Variants in RALGPS2 observed in about 807,000 individuals in gnomAD.
RALGPS2 encodes ras-specific guanine nucleotide-releasing factor RalGPS2.
In RALGPS2, 43 loss-of-function variants were observed where a neutral mutation model predicts 86.8. The ratio of observed to expected loss-of-function variants is 0.50; its 90% CI spans 0.39 to 0.64. The LOEUF is 0.64. RALGPS2 is among the 30% of genes least tolerant of loss of function. The pLI is 0.00. For synonymous variants in RALGPS2, 243 were observed against 231.3 expected (o/e 1.05, Z -0.46); for missense variants, 536 against 694.6 (o/e 0.77, Z 2.57).
chr1:178,771,255 C>G (rs971742880), intron 1 of RALGPS2, among the ~76,000 whole-genome samples: 4 of 152,340 alleles, frequency 2.6e-5, no homozygotes, highest in Middle Eastern at 3.4e-3. Flanking sequence ...GCATTTACTA[C>G]CATCCAGTAC....
chr1:178,806,419 T>C (rs1654746477), intron 4 of RALGPS2, among the ~76,000 whole-genome samples: 1 of 152,148 alleles, frequency 6.6e-6, no homozygotes, highest in African/African-American at 2.4e-5. Flanking sequence ...TTTGTTGTTG[T>C]TTTGTTTTTG....
At chr1:178,826,921 G>A (rs58049063) in intron 7 of RALGPS2, among the ~76,000 whole-genome samples, 2 of 152,112 alleles carry the variant, frequency 1.3e-5, no homozygotes, top group Admixed American at 6.5e-5. Context: ...GGGAGCAATA[G>A]CCCATGTTCA....
intron 1 of RALGPS2, among the ~76,000 whole-genome samples, chr1:178,764,730 C>G (rs930858804): frequency 6.6e-6 from 1 of 152,112 alleles, no homozygotes; most frequent in Non-Finnish European, 1.5e-5. Flanking sequence ...CTTAGTTTGG[C>G]TAGATATGAA....
intron 1 of RALGPS2, among the ~76,000 whole-genome samples, chr1:178,756,955 T>C (rs1475482735): frequency 6.6e-6 from 1 of 152,180 alleles, no homozygotes; most frequent in African/African-American, 2.4e-5. Flanking sequence ...GTTTGCATCA[T>C]ATGTGATTTC....
intron 8 of RALGPS2, chr1:178,850,450 T>C (rs1240981955): frequency 6.6e-6 from 1 of 152,330 alleles, no homozygotes; most frequent in African/African-American, 2.4e-5. Context: ...AAAAATTCAT[T>C]CATAGATTTG....
At chr1:178,841,273 C>T (rs1416639962) in intron 8 of RALGPS2, among the ~76,000 whole-genome samples, 1 of 145,326 alleles carries the variant, frequency 6.9e-6, no homozygotes, top group Non-Finnish European at 1.5e-5. Flanking sequence ...CAAACCGAAT[C>T]CAGCAGCACA....
At chr1:178,750,228 G>T (rs1465905048) in intron 1 of RALGPS2, among the ~76,000 whole-genome samples, 1 of 152,234 alleles carries the variant, frequency 6.6e-6, no homozygotes, top group Non-Finnish European at 1.5e-5. Flanking sequence ...TCTACACTTT[G>T]CAGGCCATGC....
chr1:178,753,559 G>A (rs1033323644), intron 1 of RALGPS2: 4 of 152,130 alleles, frequency 2.6e-5, no homozygotes, highest in Non-Finnish European at 5.9e-5. Flanking sequence ...TGCTAAACAA[G>A]TGATCACTAA....
rs1213107115 is a variant in RALGPS2, at chr1:178,853,687, C to T, written c.607+20137C>T. 4 of 1,613,214 alleles carry T rather than the reference C, an allele frequency of 2.5e-6. No individual in the cohort carries two copies. The East Asian group carries it at 8.9e-5, about 36-fold the overall frequency. On this transcript the variant is annotated intron_variant, in intron 8 of 19. Transcript: ENST00000367635. ...CCCCAGGGTCCAAACTGTTTTCACA[C>T]CATAACTGCATTGGTCCATTGCTGT... is the stretch of plus-strand genomic sequence containing the variant.
intron 7 of RALGPS2, among the ~76,000 whole-genome samples, chr1:178,830,179 C>G (rs751663587): frequency 1.3e-5 from 2 of 152,066 alleles, no homozygotes; most frequent in African/African-American, 4.8e-5. Flanking sequence ...AACATGTACA[C>G]CTCAAGTATA....
At position 178,828,472 on chromosome 1, in the gene RALGPS2, C is replaced by G. The variant is rs546210783; in HGVS notation, c.481-4952C>G. The stretch of plus-strand genomic sequence containing the variant: ...CATGGAAACAGCACAGTAAAAAATA[C>G]AGTATTATAATCTTATGGGACCACT... On this transcript the variant is annotated intron_variant, in intron 7 of 19. Transcript: ENST00000367635. Among the ~76,000 whole-genome samples, 277 of 152,242 alleles carry G rather than the reference C, an allele frequency of 1.8e-3. 2 individuals are homozygous for G. Among genetic ancestry groups the G allele is most frequent in the Admixed American group, 4.6e-3 (70 of 15,292 alleles).
At chr1:178,727,230 CT>C (rs76880384) in intron 1 of RALGPS2, among the ~76,000 whole-genome samples, 3,809 of 146,306 alleles carry the variant, frequency 0.026, 150 homozygotes, top group African/African-American at 0.088. Flanking sequence ...TTATATTCCA[CT>C]TTTTTTTTTT....
chr1:178,725,450 G>C (rs1329470684), intron 1 of RALGPS2, 31 bp downstream of exon 1: 1 of 149,118 alleles, frequency 6.7e-6, no homozygotes, highest in Admixed American at 6.7e-5. Flanking sequence ...GGGCGGTGCG[G>C]GGGAGGGAGG....
At chr1:178,787,359 AAAAG>A (rs1653706764) in intron 4 of RALGPS2, among the ~76,000 whole-genome samples, 1 of 152,156 alleles carries the variant, frequency 6.6e-6, no homozygotes, top group African/African-American at 2.4e-5. Flanking sequence ...TTATAAGGTA[AAAAG>A]AAAGATGAAA....
chr1:178,859,077 C>T (rs1241306270), intron 8 of RALGPS2, among the ~76,000 whole-genome samples: 1 of 152,082 alleles, frequency 6.6e-6, no homozygotes, highest in Non-Finnish European at 1.5e-5. Context: ...TAGGGTCTTT[C>T]TGTAATAATA....
intron 8 of RALGPS2, among the ~76,000 whole-genome samples, chr1:178,843,529 G>C (rs561704861): frequency 1.4e-5 from 2 of 145,840 alleles, no homozygotes; most frequent in Non-Finnish European, 3.0e-5. Flanking sequence ...GGGAGGGATA[G>C]CATTGGGAGA....
chr1:178,840,191 A>C (rs1430985587), intron 8 of RALGPS2, among the ~76,000 whole-genome samples: 2 of 152,224 alleles, frequency 1.3e-5, no homozygotes. Context: ...AAATCAACAG[A>C]ATATACATTC....
chr1:178,810,672 T>C (rs77446721), intron 5 of RALGPS2, among the ~76,000 whole-genome samples: 3,944 of 152,110 alleles, frequency 0.026, 80 homozygotes, highest in Middle Eastern at 0.058. Context: ...GTAAAATATA[T>C]GTAAAATACA....
chr1:178,817,628 A>G (rs1369149512), intron 6 of RALGPS2, among the ~76,000 whole-genome samples: 1 of 152,128 alleles, frequency 6.6e-6, no homozygotes, highest in Non-Finnish European at 1.5e-5. Flanking sequence ...TGGAAATTTT[A>G]GAAGTAGCTT....
Sources: allele counts gnomAD v4.1 joint callset (sites outside exome capture counted in the v4.1 genomes callset), GRCh38; gene constraint gnomAD v4.1.1; transcripts MANE v1.5; gene names NCBI Gene and HGNC (gene_info 2026-07-23, HGNC 2026-07-21).